STX8: variants seen among roughly 807,000 people sequenced by gnomAD.
The protein encoded by STX8 is syntaxin-8.
In STX8, 23 loss-of-function variants were observed where a neutral mutation model predicts 37.5. The ratio of observed to expected loss-of-function variants is 0.61; its 90% CI spans 0.44 to 0.87. The LOEUF (loss-of-function observed/expected upper bound fraction) is 0.87, where lower values mean the gene tolerates loss of function less well. STX8 is among the 40% of genes least tolerant of loss of function. The pLI is 0.00. For missense variants in STX8, 313 were observed against 284.7 expected, an observed-to-expected ratio of 1.10 and a Z score of -0.71; for synonymous variants, 115 against 99.1, an observed-to-expected ratio of 1.16 and a Z score of -0.95.
intron 6 of STX8, among the ~76,000 whole-genome samples, chr17:9,458,868 T>C (rs960829392): frequency 2.2e-4 from 33 of 148,732 alleles, no homozygotes; most frequent in African/African-American, 6.5e-4. Flanking sequence ...CTCACTCTGT[T>C]GCCCAGGCTG....
intron 7 of STX8, among the ~76,000 whole-genome samples, chr17:9,346,641 G>C (rs1161802926): frequency 6.6e-6 from 1 of 152,150 alleles, no homozygotes; most frequent in Non-Finnish European, 1.5e-5. Flanking sequence ...TCCAAATAAA[G>C]TATTTTAGGA....
intron 2 of STX8, among the ~76,000 whole-genome samples, chr17:9,564,192 G>A (rs1207206244): frequency 6.6e-6 from 1 of 152,092 alleles, no homozygotes; most frequent in Admixed American, 6.6e-5. Flanking sequence ...AGACAAGGAT[G>A]CCCTCTGCTA....
At chr17:9,337,127 GA>G (rs1467377318) in intron 7 of STX8, among the ~76,000 whole-genome samples, 1 of 152,058 alleles carries the variant, frequency 6.6e-6, no homozygotes, top group Non-Finnish European at 1.5e-5. Context: ...AAACACACAT[GA>G]AAAACTATCT....
At chr17:9,411,324 A>G (rs1188671116) in intron 6 of STX8, among the ~76,000 whole-genome samples, 1 of 152,144 alleles carries the variant, frequency 6.6e-6, no homozygotes, top group Non-Finnish European at 1.5e-5. Context: ...AGGCTTCCCC[A>G]CTTGGGAGCT....
Position 9,492,579 on chromosome 17 carries a change from T to C in STX8, c.449-658A>G, listed in dbSNP as rs545236555. Among the ~76,000 whole-genome samples the C allele has an allele frequency of 2.0e-5, 3 of 152,356 alleles. No homozygotes were observed. The South Asian group carries it at 6.2e-4, about 32-fold the overall frequency. ...ATGATGGATATACAAGGATATTCCC[T>C]GAAACATTTGTTTCTTGTGCCAGAT... On this transcript the variant is annotated intron_variant, in intron 5 of 7. Coordinates refer to ENST00000306357, the MANE Select transcript of STX8 (RefSeq NM_004853.3).
rs1465708163 is a variant in STX8 at position 9,416,606 on chromosome 17, A to G, written c.542-37953T>C. Among the ~76,000 whole-genome samples, 3 of 152,062 alleles carry G rather than the reference A, an allele frequency of 2.0e-5. No homozygotes were observed. The East Asian group carries it at 5.8e-4, about 29-fold the overall frequency. On this transcript the variant is annotated intron_variant, in intron 6 of 7. Coordinates refer to ENST00000306357, the MANE Select transcript of STX8 (RefSeq NM_004853.3). ...CTGGCCTTGAACTCCTGACCTCGTGATCTGCCCACCTTGGCCTCCCAAAGT... is the reference window on the plus strand; with the variant it reads ...CTGGCCTTGAACTCCTGACCTCGTGGTCTGCCCACCTTGGCCTCCCAAAGT...
At chr17:9,283,224 A>C (rs1167857944) in intron 7 of STX8, 1 of 152,208 alleles carries the variant, frequency 6.6e-6, no homozygotes, top group Admixed American at 6.5e-5. Context: ...TCCTTTCTAT[A>C]AATATTCAAC....
At chr17:9,375,036 CCA>C in intron 7 of STX8, among the ~76,000 whole-genome samples, 1 of 141,158 alleles carries the variant, frequency 7.1e-6, no homozygotes, top group East Asian at 2.1e-4. Context: ...TGCACTCCAG[CCA>C]GGGTGACAGA....
At chr17:9,260,590 C>T (rs957633075) in intron 7 of STX8, among the ~76,000 whole-genome samples, 1 of 152,128 alleles carries the variant, frequency 6.6e-6, no homozygotes, top group African/African-American at 2.4e-5. Flanking sequence ...TGCCACTGCA[C>T]TCTAGCCTGG....
At chr17:9,477,819 G>A (rs1906163827) in intron 6 of STX8, among the ~76,000 whole-genome samples, 1 of 152,222 alleles carries the variant, frequency 6.6e-6, no homozygotes, top group Non-Finnish European at 1.5e-5. Flanking sequence ...GGGGGTGGCT[G>A]TGGCCCAAGG....
At position 9,519,968 on chromosome 17, in the gene STX8, G is replaced by A. The variant is rs16958416; in HGVS notation, c.324-14806C>T. Among the ~76,000 whole-genome samples the A allele has an allele frequency of 3.8e-3, 579 of 152,144 alleles. 5 individuals carry two copies. The highest frequency in any genetic ancestry group is 0.013 in the African/African-American group (556 of 41,512). On this transcript the variant is annotated intron_variant, in intron 4 of 7. Coordinates refer to ENST00000306357, the MANE Select transcript of STX8 (RefSeq NM_004853.3). ...TGGTGCTATGTTCACAACCTCTAACGTGGCATTTATCAAGCGGGATTGTAG... is the reference window on the plus strand; with the variant it reads ...TGGTGCTATGTTCACAACCTCTAACATGGCATTTATCAAGCGGGATTGTAG...
rs559939122 is a variant in STX8 at position 9,364,823 on chromosome 17, C to T, written c.643+13729G>A. ...AGCTGAGATTACAGGCATGAGCTAC[C>T]GCGCCTGGCCGGTATTTGATATATT... On this transcript the variant is annotated intron_variant, in intron 7 of 7. Transcript: ENST00000306357. Among the ~76,000 whole-genome samples the T allele has an allele frequency of 1.1e-4, 16 of 152,246 alleles. No homozygotes were observed. In the East Asian group the frequency reaches 1.9e-3, roughly 18 times the overall value.
At chr17:9,562,409 A>G (rs11867686) in intron 2 of STX8, among the ~76,000 whole-genome samples, 6 of 139,420 alleles carry the variant, frequency 4.3e-5, no homozygotes, top group East Asian at 2.7e-4. Context: ...CCGTCTCAGG[A>G]AAAAAAAAAA....
chr17:9,293,738 C>T (rs1408764457), intron 7 of STX8, among the ~76,000 whole-genome samples: 2 of 151,384 alleles, frequency 1.3e-5, no homozygotes, highest in African/African-American at 4.9e-5. Flanking sequence ...TCATGTTTAA[C>T]TTTTTATGTG....
At chr17:9,420,718 C>A (rs1030089991) in intron 6 of STX8, among the ~76,000 whole-genome samples, 1 of 152,162 alleles carries the variant, frequency 6.6e-6, no homozygotes, top group East Asian at 1.9e-4. Context: ...GAGCTTGAGG[C>A]GCGATTATTA....
chr17:9,401,598 G>A (rs543469441), intron 6 of STX8, among the ~76,000 whole-genome samples: 2 of 152,254 alleles, frequency 1.3e-5, no homozygotes, highest in East Asian at 3.9e-4. Flanking sequence ...TTACTCAGAA[G>A]CTCATGCCTC....
intron 6 of STX8, among the ~76,000 whole-genome samples, chr17:9,406,914 TGG>T (rs1912821421): frequency 6.6e-6 from 1 of 152,172 alleles, no homozygotes; most frequent in African/African-American, 2.4e-5. Context: ...TCATAAGCAC[TGG>T]TTCTGAGGGG....
chr17:9,344,742 T>C (rs1377573170), intron 7 of STX8, among the ~76,000 whole-genome samples: 1 of 152,158 alleles, frequency 6.6e-6, no homozygotes, highest in African/African-American at 2.4e-5. Context: ...AAAGCTCCAG[T>C]TTCCCTACTA....
intron 7 of STX8, 169 bp downstream of exon 7, chr17:9,378,383 T>C: frequency 1.7e-6 from 1 of 588,242 alleles, no homozygotes; most frequent in Non-Finnish European, 3.1e-6. Context: ...TCCATTTCAT[T>C]TTGACCAGAT....
Sources: gnomAD v4.1 joint callset for allele counts (sites outside exome capture counted in the v4.1 genomes callset) on GRCh38, gnomAD v4.1.1 for gene constraint, MANE v1.5 for transcripts, NCBI Gene and HGNC (gene_info 2026-07-23, HGNC 2026-07-21) for gene names.